The following DOCK3 variants were observed in gnomAD, a reference collection of about 807,000 sequenced individuals.
DOCK3 encodes dedicator of cytokinesis 3.
In DOCK3, 60 loss-of-function variants were observed where a neutral mutation model predicts 265.6. That is an observed-to-expected ratio of 0.23 (90% CI 0.18 to 0.28). The LOEUF is 0.28. Ranked by LOEUF, DOCK3 falls within the 10% of genes least tolerant of loss-of-function variation. The pLI, the probability that DOCK3 is intolerant of heterozygous loss-of-function variation, is 1.00. For synonymous variants in DOCK3, 881 were observed against 938.0 expected, an observed-to-expected ratio of 0.94 and a Z score of 1.11; for missense variants, 1,981 against 2,594.3, an observed-to-expected ratio of 0.76 and a Z score of 5.14.
chr3:51,226,563 C>T (rs1232718175), intron 15 of DOCK3, among the ~76,000 whole-genome samples: 2 of 152,160 alleles, frequency 1.3e-5, no homozygotes, highest in African/African-American at 4.8e-5. Flanking sequence ...GTAGAAACAA[C>T]GATTTGTATG....
chr3:50,946,683 AC>A lies in DOCK3; in HGVS notation c.315+12607del, dbSNP rs563053559. Among the ~76,000 whole-genome samples the A allele has an allele frequency of 4.1e-4, 63 of 152,344 alleles. No homozygotes were observed. In the South Asian group the frequency reaches 5.0e-3, roughly 12 times the overall value. ...CTATAAGAAATAAGAAGTAGTTTGTACAAGGGATTTCTGGAAATGCCATTGT... is the reference window on the plus strand; with the variant it reads ...CTATAAGAAATAAGAAGTAGTTTGTAAAGGGATTTCTGGAAATGCCATTGT... On this transcript the variant is annotated intron_variant, in intron 5 of 52. Coordinates refer to ENST00000266037, the MANE Select transcript of DOCK3 (RefSeq NM_004947.5).
At chr3:50,924,001 T>TTTTGTTTG (rs546663807) in intron 4 of DOCK3, among the ~76,000 whole-genome samples, 1 of 152,142 alleles carries the variant, frequency 6.6e-6, no homozygotes, top group Non-Finnish European at 1.5e-5. Context: ...CTGCTGCTGT[T>TTTTGTTTG]TTTGTTTGTT....
intron 10 of DOCK3, among the ~76,000 whole-genome samples, chr3:51,151,821 G>T (rs2085613663): frequency 6.6e-6 from 1 of 152,108 alleles, no homozygotes; most frequent in East Asian, 1.9e-4. Flanking sequence ...TTCAGTAGTG[G>T]CCCCCACTGT....
At chr3:51,051,203 T>C (rs1396107152) in intron 5 of DOCK3, among the ~76,000 whole-genome samples, 2 of 152,198 alleles carry the variant, frequency 1.3e-5, no homozygotes, top group East Asian at 3.8e-4. Flanking sequence ...TAAAGGGATA[T>C]ATAAGTAAAT....
intron 1 of DOCK3, among the ~76,000 whole-genome samples, chr3:50,737,112 A>C (rs907238946): frequency 2.0e-5 from 3 of 152,182 alleles, no homozygotes; most frequent in Non-Finnish European, 4.4e-5. Context: ...GCCATTTGTC[A>C]GATGAGTAGA....
At position 50,948,045 on chromosome 3, in the gene DOCK3, T is replaced by C. The variant is rs1351345660; in HGVS notation, c.315+13968T>C. Reference sequence around the variant, plus strand: ...TAATTATTATTATTATTATTATTATTATTATTATTATTATTATTATTATTA... The same window carrying C: ...TAATTATTATTATTATTATTATTATCATTATTATTATTATTATTATTATTA... On this transcript the variant is annotated intron_variant, in intron 5 of 52. Transcript: ENST00000266037. Among the ~76,000 whole-genome samples the C allele has an allele frequency of 7.7e-4, 110 of 143,596 alleles. 1 individual carries two copies. The highest frequency in any genetic ancestry group is 1.4e-3 in the Admixed American group (20 of 14,298). The allele number at this position is 143,596 out of a possible 152,430, so 94.2% of individuals were successfully genotyped here.
At chr3:51,120,153 G>C (rs2083945281) in intron 9 of DOCK3, among the ~76,000 whole-genome samples, 1 of 152,100 alleles carries the variant, frequency 6.6e-6, no homozygotes, top group Non-Finnish European at 1.5e-5. Flanking sequence ...GTTTATGCAT[G>C]GTCGTATTTT....
intron 5 of DOCK3, among the ~76,000 whole-genome samples, chr3:51,023,113 A>C (rs9713241): frequency 0.9 from 137,252 of 152,254 alleles, 62,059 homozygotes; most frequent in African/African-American, 0.95. Flanking sequence ...ACGCCAAGGA[A>C]GTTTTCCTCA....
At chr3:50,977,418 G>C (rs1019175317) in intron 5 of DOCK3, among the ~76,000 whole-genome samples, 4 of 152,040 alleles carry the variant, frequency 2.6e-5, no homozygotes, top group African/African-American at 4.8e-5. Context: ...AGTTTGGCTG[G>C]ATATGAAATT....
intron 1 of DOCK3, among the ~76,000 whole-genome samples, chr3:50,742,903 C>T (rs2039154955): frequency 6.6e-6 from 1 of 152,050 alleles, no homozygotes; most frequent in Admixed American, 6.6e-5. Context: ...GTCAGATTCA[C>T]CAAAGTTGAA....
At position 51,090,382 on chromosome 3, in the gene DOCK3, C is replaced by A. The variant is rs537023419; in HGVS notation, c.744C>A (p.Ile248=). ...SLYDMREGKQ[I]SERFLVRLNK... ...ATGACATGAGGGAAGGCAAGCAGAT[C>A]AGGTGAGAGTCACTGGAAATTCTGG... The change falls in exon 9 of 53, where the codon ATC becomes ATA. Residue 248 remains isoleucine, a splice_region_variant and synonymous_variant. Coordinates refer to ENST00000266037, the MANE Select transcript of DOCK3 (RefSeq NM_004947.5). 2 of 1,603,192 alleles carry A rather than the reference C, an allele frequency of 1.2e-6. No individual in the cohort carries two copies. The highest frequency in any genetic ancestry group is 8.5e-7 in the Non-Finnish European group (1 of 1,174,766).
chr3:50,981,708 C>T (rs1386043240), intron 5 of DOCK3, among the ~76,000 whole-genome samples: 1 of 152,100 alleles, frequency 6.6e-6, no homozygotes, highest in Non-Finnish European at 1.5e-5. Flanking sequence ...CTTTCTTTAT[C>T]TCTTTTTAAA....
chr3:51,231,316 A>T (rs1246572320), intron 19 of DOCK3, among the ~76,000 whole-genome samples: 21 of 151,356 alleles, frequency 1.4e-4, no homozygotes. Context: ...TTTAGTAGAG[A>T]CACGGTTTTG....
chr3:51,193,858 T>C (rs1397563799), intron 12 of DOCK3, among the ~76,000 whole-genome samples: 1 of 151,316 alleles, frequency 6.6e-6, no homozygotes, highest in African/African-American at 2.4e-5. Flanking sequence ...TTTGTTTATC[T>C]TTTTGAAGAA....
chr3:51,233,051 T>C (rs1338042364), intron 19 of DOCK3, among the ~76,000 whole-genome samples: 1 of 152,086 alleles, frequency 6.6e-6, no homozygotes, highest in African/African-American at 2.4e-5. Flanking sequence ...TGAAATGGGG[T>C]GATGTGATGC....
intron 1 of DOCK3, among the ~76,000 whole-genome samples, chr3:50,774,373 G>A (rs1334681324): frequency 6.6e-6 from 1 of 151,808 alleles, no homozygotes; most frequent in Non-Finnish European, 1.5e-5. Context: ...GCTTATATTA[G>A]GCTTTTAATG....
chr3:51,094,377 T>C (rs914599869), intron 9 of DOCK3, among the ~76,000 whole-genome samples: 22 of 151,538 alleles, frequency 1.5e-4, no homozygotes, highest in African/African-American at 5.3e-4. Flanking sequence ...GGGATTCGAC[T>C]TCTTCTGGGT....
At chr3:51,173,649 C>A (rs2086798004) in intron 12 of DOCK3, among the ~76,000 whole-genome samples, 1 of 152,134 alleles carries the variant, frequency 6.6e-6, no homozygotes, top group Admixed American at 6.6e-5. Flanking sequence ...ATACCACTTT[C>A]TTGTTTGCAA....
intron 7 of DOCK3, among the ~76,000 whole-genome samples, chr3:51,086,023 G>A (rs2082406995): frequency 1.3e-5 from 2 of 152,210 alleles, no homozygotes; most frequent in African/African-American, 2.4e-5. Flanking sequence ...ATATAGAGGT[G>A]TGGAGTGGGA....
Sources: gnomAD v4.1 joint callset for allele counts (sites outside exome capture counted in the v4.1 genomes callset) on GRCh38, gnomAD v4.1.1 for gene constraint, MANE v1.5 for transcripts, NCBI Gene and HGNC (gene_info 2026-07-23, HGNC 2026-07-21) for gene names.